Variants in ADAMTS3 observed in about 807,000 individuals in gnomAD.
The protein encoded by ADAMTS3 is ADAM metallopeptidase with thrombospondin type 1 motif 3.
ADAMTS3 carries 73 observed loss-of-function variants against 129.0 expected under a neutral mutation model. The observed-to-expected ratio is 0.57, with a 90% CI of 0.47 to 0.69. The LOEUF is 0.69. ADAMTS3 is among the 30% of genes least tolerant of loss of function. ADAMTS3 has a pLI of 0.00. For missense variants in ADAMTS3, 1,457 were observed against 1,514.5 expected, an observed-to-expected ratio of 0.96 and a Z score of 0.63; for synonymous variants, 477 against 510.8, an observed-to-expected ratio of 0.93 and a Z score of 0.89.
chr4:72,501,079 T>C (rs2170409), intron 3 of ADAMTS3, among the ~76,000 whole-genome samples: 54,950 of 152,110 alleles, frequency 0.36, 10,898 homozygotes, highest in South Asian at 0.59. Context: ...TTGCTTAGCA[T>C]TGCTTTGACT....
chr4:72,505,549 C>G (rs1193274199), intron 3 of ADAMTS3, among the ~76,000 whole-genome samples: 1 of 152,230 alleles, frequency 6.6e-6, no homozygotes, highest in Non-Finnish European at 1.5e-5. Context: ...GCTCCCTCCT[C>G]AGCCCTGGAA....
At chr4:72,516,853 GC>G (rs974873759) in intron 3 of ADAMTS3, among the ~76,000 whole-genome samples, 100 of 151,936 alleles carry the variant, frequency 6.6e-4, no homozygotes, top group African/African-American at 2.3e-3. Context: ...AATTGCCCTG[GC>G]CAGAACTTCC....
intron 3 of ADAMTS3, among the ~76,000 whole-genome samples, chr4:72,518,172 T>G (rs1720548157): frequency 6.6e-6 from 1 of 152,168 alleles, no homozygotes. Context: ...AATCCTGAGT[T>G]CTAGTTTGAT....
At position 72,407,561 on chromosome 4, in the gene ADAMTS3, A is replaced by C. The variant is rs1198286107; in HGVS notation, c.661+7254T>G. ...TAGTATCCCTGAGACTTGACAATAA[A>C]AGAATACATAGCAATTTGTAAAGCA... On this transcript the variant is annotated intron_variant, in intron 4 of 21. Coordinates refer to ENST00000286657, the MANE Select transcript of ADAMTS3 (RefSeq NM_014243.3). Among the ~76,000 whole-genome samples, 4 of 152,160 alleles carry C rather than the reference A, an allele frequency of 2.6e-5. No homozygotes were observed. In the East Asian group the frequency reaches 7.7e-4, roughly 29 times the overall value.
At chr4:72,470,374 T>TACACACACACACAC (rs1240216533) in intron 3 of ADAMTS3, among the ~76,000 whole-genome samples, 2 of 144,090 alleles carry the variant, frequency 1.4e-5, no homozygotes, top group African/African-American at 5.2e-5. Context: ...TATATATATA[T>TACACACACACACAC]ATACACACAC....
intron 4 of ADAMTS3, among the ~76,000 whole-genome samples, chr4:72,349,601 A>AT (rs1334300211): frequency 5.9e-5 from 9 of 151,592 alleles, no homozygotes; most frequent in Non-Finnish European, 1.3e-4. Flanking sequence ...AATGTTGCCT[A>AT]TTTTTTTTCA....
In ADAMTS3 at chr4:72,568,993, A is replaced by G. The variant is rs1483532099; in HGVS notation, c.-231T>C. On this transcript the variant is annotated 5_prime_UTR_variant, in exon 1 of 22. Coordinates refer to ENST00000286657, the MANE Select transcript of ADAMTS3 (RefSeq NM_014243.3). ...TTCACCTTCTCACCCCGTCCTCCCA[A>G]CACAGAGTGTGCAGGAGCGAGAAGG... 1.0e-5 allele frequency: 6 copies of G among 581,938 alleles called. No homozygotes were observed. The African/African-American group carries it at 1.1e-4, about 11-fold the overall frequency. The allele number at this position is 581,938 out of a possible 1,614,324, so 36.0% of individuals were successfully genotyped here.
chr4:72,495,131 G>T (rs1481499214), intron 3 of ADAMTS3, among the ~76,000 whole-genome samples: 1 of 152,176 alleles, frequency 6.6e-6, no homozygotes, highest in African/African-American at 2.4e-5. Context: ...AGGCCTGAGT[G>T]TGCTAAGCAG....
intron 3 of ADAMTS3, among the ~76,000 whole-genome samples, chr4:72,537,911 A>G (rs1328185801): frequency 6.6e-6 from 1 of 152,210 alleles, no homozygotes; most frequent in Admixed American, 6.5e-5. Flanking sequence ...AAAGAGATAT[A>G]GGTAAAGAAA....
At chr4:72,480,045 A>T (rs1273248527) in intron 3 of ADAMTS3, among the ~76,000 whole-genome samples, 1 of 152,166 alleles carries the variant, frequency 6.6e-6, no homozygotes, top group East Asian at 1.9e-4. Flanking sequence ...TCAGGAAACA[A>T]CAGGTGCTAG....
At chr4:72,311,238 C>T in intron 13 of ADAMTS3, 57 bp from the exon 14 acceptor site, 7 of 1,431,534 alleles carry the variant, frequency 4.9e-6, no homozygotes, top group Non-Finnish European at 5.7e-6. Flanking sequence ...GTTTGAACAG[C>T]ATAGTTTATT....
Position 72,320,775 on chromosome 4 carries a change from A to G in ADAMTS3, c.1041T>C (p.Ser347=). The part of the protein sequence containing the change: ...SQQQRSDLNH[S]EHHDHAIFLT... ...AAAAAATTGCATGGTCATGGTGTTC[A>G]GAGTGGTTGAGATCAGATCTTTGCT... The change falls in exon 7 of 22, where the codon TCT becomes TCC. Residue 347 remains serine (S), a synonymous_variant. Transcript: ENST00000286657. The G allele has an allele frequency of 6.2e-7, 1 of 1,614,016 alleles. No homozygotes were observed. Among genetic ancestry groups the G allele is most frequent in the South Asian group, 1.1e-5 (1 of 91,082 alleles).
At chr4:72,338,657 G>A (rs983759450) in intron 5 of ADAMTS3, among the ~76,000 whole-genome samples, 1 of 151,666 alleles carries the variant, frequency 6.6e-6, no homozygotes, top group African/African-American at 2.4e-5. Context: ...GAGGGGGGAG[G>A]GTGGGTTGAG....
At chr4:72,432,990 T>C (rs1212830245) in intron 3 of ADAMTS3, among the ~76,000 whole-genome samples, 1 of 151,980 alleles carries the variant, frequency 6.6e-6, no homozygotes, top group Admixed American at 6.6e-5. Flanking sequence ...AGCATATATT[T>C]CTCAGTTCTC....
At chr4:72,548,943 T>C in intron 2 of ADAMTS3, 59 bp from the exon 3 acceptor site, 3 of 1,511,776 alleles carry the variant, frequency 2.0e-6, no homozygotes, top group Admixed American at 1.9e-5. Flanking sequence ...CAGGAGAACA[T>C]AACACAGACA....
At chr4:72,284,854 T>C (rs1280971557) in intron 21 of ADAMTS3, among the ~76,000 whole-genome samples, 1 of 152,220 alleles carries the variant, frequency 6.6e-6, no homozygotes, top group Non-Finnish European at 1.5e-5. Context: ...AAATGTTAAC[T>C]TGTGCATAGT....
intron 15 of ADAMTS3, among the ~76,000 whole-genome samples, chr4:72,306,743 T>C (rs932776817): frequency 6.6e-6 from 1 of 151,994 alleles, no homozygotes; most frequent in Non-Finnish European, 1.5e-5. Flanking sequence ...ATTGCCTTTA[T>C]ATGCACCCTA....
chr4:72,377,444 T>C (rs1031257173), intron 4 of ADAMTS3, among the ~76,000 whole-genome samples: 3 of 152,180 alleles, frequency 2.0e-5, no homozygotes, highest in African/African-American at 4.8e-5. Flanking sequence ...TAGGATTATA[T>C]GTCATTACAG....
At chr4:72,407,318 T>C (rs1158308651) in intron 4 of ADAMTS3, among the ~76,000 whole-genome samples, 1 of 152,146 alleles carries the variant, frequency 6.6e-6, no homozygotes, top group Non-Finnish European at 1.5e-5. Context: ...GAAGACTCTT[T>C]AGGGACACTG....
Sources: gnomAD v4.1 joint callset for allele counts (sites outside exome capture counted in the v4.1 genomes callset) on GRCh38, gnomAD v4.1.1 for gene constraint, MANE v1.5 for transcripts, NCBI Gene and HGNC (gene_info 2026-07-23, HGNC 2026-07-21) for gene names.